EYS: variants seen among roughly 807,000 people sequenced by gnomAD.
EYS encodes the protein EGF-like photoreceptor maintenance factor.
In EYS, 250 loss-of-function variants were observed where a neutral mutation model predicts 282.1. The ratio of observed to expected loss-of-function variants is 0.89; its 90% CI spans 0.80 to 0.98. The LOEUF is 0.98. EYS is among the 50% of genes least tolerant of loss of function. The pLI is 0.00. For synonymous variants in EYS, 1,355 were observed against 1,282.9 expected (o/e 1.06, Z -1.20); for missense variants, 4,016 against 3,709.0 (o/e 1.08, Z -2.15).
At chr6:65,341,184 C>T (rs1046288485) in intron 10 of EYS, among the ~76,000 whole-genome samples, 7 of 151,164 alleles carry the variant, frequency 4.6e-5, no homozygotes, top group African/African-American at 1.2e-4. Context: ...GATCACATCA[C>T]TCTGGTGTTC....
chr6:64,818,915 T>C (rs1184394912), intron 21 of EYS, among the ~76,000 whole-genome samples: 2 of 152,112 alleles, frequency 1.3e-5, no homozygotes, highest in Non-Finnish European at 2.9e-5. Context: ...AAGTTGACAC[T>C]CAATATTAAC....
At chr6:64,651,425 G>A (rs1032801899) in intron 22 of EYS, among the ~76,000 whole-genome samples, 1 of 152,124 alleles carries the variant, frequency 6.6e-6, no homozygotes, top group Non-Finnish European at 1.5e-5. Context: ...GTAGATTCAT[G>A]GGAATAATCA....
intron 5 of EYS, among the ~76,000 whole-genome samples, chr6:65,422,702 C>G (rs1039793284): frequency 2.0e-5 from 3 of 151,750 alleles, no homozygotes; most frequent in Admixed American, 2.0e-4. Flanking sequence ...ACACATCTAA[C>G]AGGAGGGTAA....
chr6:65,262,195 C>A (rs565112025), intron 12 of EYS, among the ~76,000 whole-genome samples: 1 of 152,114 alleles, frequency 6.6e-6, no homozygotes, highest in African/African-American at 2.4e-5. Flanking sequence ...ACCTTTGATT[C>A]AATTAGCCAG....
chr6:64,784,188 TTTC>T (rs935983722), intron 22 of EYS, among the ~76,000 whole-genome samples: 23 of 152,040 alleles, frequency 1.5e-4, no homozygotes, highest in Non-Finnish European at 2.8e-4. Flanking sequence ...TTGAATTATC[TTTC>T]TTTTCTTTTT....
intron 39 of EYS, chr6:63,786,204 CAAAAAAAAA>C (rs1198772619): frequency 2.4e-5 from 1 of 41,446 alleles, no homozygotes; most frequent in Non-Finnish European, 5.4e-5. Flanking sequence ...CAGCGAGACT[CAAAAAAAAA>C]AAAAAAAAAA....
intron 21 of EYS, among the ~76,000 whole-genome samples, chr6:64,817,255 C>A (rs1764764989): frequency 6.6e-6 from 1 of 151,982 alleles, no homozygotes; most frequent in South Asian, 2.1e-4. Context: ...TTAAATAAGT[C>A]CCTTTTAAAC....
chr6:64,000,178 T>TCAG lies in EYS; in HGVS notation c.6726-996_6726-995insCTG, dbSNP rs1458615473. 3.3e-4 allele frequency among the ~76,000 whole-genome samples: 17 copies of TCAG among 51,306 alleles called. 3 individuals carry two copies. In the South Asian group the frequency reaches 5.2e-3, roughly 16 times the overall value. The allele number at this position is 51,306 out of a possible 152,430, so 33.7% of individuals were successfully genotyped here. Reference sequence around the variant, plus strand: ...TCCCAAGACATGGGACTTTTTTTTTTTTTTTTTTTTTTTTTTTTTTTTTTT... The same window carrying TCAG: ...TCCCAAGACATGGGACTTTTTTTTTTCAGTTTTTTTTTTTTTTTTTTTTTTTTT... On this transcript the variant is annotated intron_variant, in intron 33 of 42. Coordinates refer to ENST00000503581, the MANE Select transcript of EYS (RefSeq NM_001142800.2).
At chr6:65,177,417 T>A (rs549558996) in intron 12 of EYS, among the ~76,000 whole-genome samples, 60 of 151,994 alleles carry the variant, frequency 3.9e-4, no homozygotes, top group Admixed American at 6.6e-4. Context: ...AATATTCTAT[T>A]TTATTATTAT....
chr6:64,817,861 G>C (rs1460961711), intron 21 of EYS, among the ~76,000 whole-genome samples: 1 of 152,058 alleles, frequency 6.6e-6, no homozygotes, highest in African/African-American at 2.4e-5. Context: ...ATGGTCACCT[G>C]TGTTGATTCC....
At chr6:65,222,347 C>T (rs555805298) in intron 12 of EYS, among the ~76,000 whole-genome samples, 91 of 152,064 alleles carry the variant, frequency 6.0e-4, no homozygotes, top group Admixed American at 5.9e-4. Flanking sequence ...TGGGATTTTC[C>T]GCTGTCCTTG....
At chr6:63,847,716 A>G (rs1010052191) in intron 36 of EYS, among the ~76,000 whole-genome samples, 3 of 152,230 alleles carry the variant, frequency 2.0e-5, no homozygotes, top group South Asian at 4.1e-4. Context: ...GAATTTTCCA[A>G]TTACATGATG....
chr6:64,675,493 T>C (rs1303605454), intron 22 of EYS, among the ~76,000 whole-genome samples: 1 of 135,830 alleles, frequency 7.4e-6, no homozygotes, highest in East Asian at 2.3e-4. Context: ...AGTGGTGCAA[T>C]CTTGGCTCAC....
At chr6:64,191,068 TACTG>T (rs1187397296) in intron 31 of EYS, among the ~76,000 whole-genome samples, 1 of 152,174 alleles carries the variant, frequency 6.6e-6, no homozygotes, top group African/African-American at 2.4e-5. Flanking sequence ...GTAATATTCT[TACTG>T]ACTTACAGGA....
intron 22 of EYS, among the ~76,000 whole-genome samples, chr6:64,708,814 G>T (rs947218916): frequency 6.6e-6 from 1 of 152,174 alleles, no homozygotes; most frequent in African/African-American, 2.4e-5. Context: ...TGTGATGCCT[G>T]CTGTGCCATG....
At chr6:64,472,352 G>T (rs1776145663) in intron 26 of EYS, among the ~76,000 whole-genome samples, 1 of 152,166 alleles carries the variant, frequency 6.6e-6, no homozygotes, top group Admixed American at 6.5e-5. Flanking sequence ...GCCCATTACA[G>T]ATTGATTTAT....
intron 13 of EYS, among the ~76,000 whole-genome samples, chr6:65,050,152 G>T (rs1773226586): frequency 6.6e-6 from 1 of 150,490 alleles, no homozygotes; most frequent in Non-Finnish European, 1.5e-5. Flanking sequence ...AGGAATAAAA[G>T]AAGCAAAAAA....
At chr6:65,171,581 T>A (rs184905611) in intron 12 of EYS, among the ~76,000 whole-genome samples, 8 of 151,608 alleles carry the variant, frequency 5.3e-5, no homozygotes, top group Admixed American at 5.3e-4. Context: ...TCTTTAGTTG[T>A]GCGAGGTCGT....
At chr6:64,102,772 A>G (rs1772875799) in intron 31 of EYS, among the ~76,000 whole-genome samples, 1 of 152,180 alleles carries the variant, frequency 6.6e-6, no homozygotes, top group Non-Finnish European at 1.5e-5. Context: ...TAAAAGCGAC[A>G]TTACCAAAGT....
Sources: gnomAD v4.1 joint callset for allele counts (sites outside exome capture counted in the v4.1 genomes callset) on GRCh38, gnomAD v4.1.1 for gene constraint, MANE v1.5 for transcripts, NCBI Gene and HGNC (gene_info 2026-07-23, HGNC 2026-07-21) for gene names.